PIK3C2G: variants seen among roughly 807,000 people sequenced by gnomAD.
The protein encoded by PIK3C2G is phosphatidylinositol 3-kinase C2 domain-containing subunit gamma.
In PIK3C2G, 168 loss-of-function variants were observed where a neutral mutation model predicts 181.1. That is an observed-to-expected ratio of 0.93 (90% CI 0.82 to 1.05). The LOEUF (loss-of-function observed/expected upper bound fraction) is 1.05, where lower values mean the gene tolerates loss of function less well. PIK3C2G is among the 50% of genes least tolerant of loss of function. The pLI is 0.00. For synonymous variants in PIK3C2G, 573 were observed against 592.2 expected, an observed-to-expected ratio of 0.97 and a Z score of 0.47; for missense variants, 1,869 against 1,732.8, an observed-to-expected ratio of 1.08 and a Z score of -1.40.
At chr12:18,536,233 G>T (rs957675284) in intron 24 of PIK3C2G, among the ~76,000 whole-genome samples, 11 of 152,090 alleles carry the variant, frequency 7.2e-5, no homozygotes, top group Admixed American at 3.9e-4. Flanking sequence ...GATTTTTGAA[G>T]AGACAAGGAA....
chr12:18,490,655 T>C (rs1940475245), intron 19 of PIK3C2G, among the ~76,000 whole-genome samples: 1 of 152,226 alleles, frequency 6.6e-6, no homozygotes, highest in South Asian at 2.1e-4. Flanking sequence ...GTCTGGCTTA[T>C]TTCACATAAC....
the PIK3C2G span, among the ~76,000 whole-genome samples, chr12:18,656,359 C>T: frequency 6.6e-5 from 10 of 152,100 alleles, no homozygotes; most frequent in South Asian, 1.9e-3. Flanking sequence ...GGGTGGATCA[C>T]GAGCTCAGTA....
chr12:18,609,510 C>CA, intron 30 of PIK3C2G, 25 bp from the exon 31 acceptor site: 3 of 1,390,504 alleles, frequency 2.2e-6, no homozygotes, highest in Non-Finnish European at 3.0e-6. Flanking sequence ...CAACTGAACT[C>CA]ACTGAAATTC....
intron 26 of PIK3C2G, among the ~76,000 whole-genome samples, chr12:18,555,404 C>CAGA (rs374729402): frequency 8.5e-5 from 13 of 152,222 alleles, no homozygotes; most frequent in African/African-American, 3.1e-4. Context: ...GAACCTGACA[C>CAGA]AGAAGATCAG....
At chr12:18,723,351 A>G in the PIK3C2G span, 6 of 1,612,608 alleles carry the variant, frequency 3.7e-6, no homozygotes, top group African/African-American at 8.0e-5. Context: ...TCTCAAAAGC[A>G]ATAGCTTTAC....
chr12:18,502,293 T>C (rs996166905), intron 22 of PIK3C2G, among the ~76,000 whole-genome samples: 6 of 152,196 alleles, frequency 3.9e-5, no homozygotes, highest in African/African-American at 9.6e-5. Flanking sequence ...CATAATCTAC[T>C]TTAATGTTGT....
the PIK3C2G span, among the ~76,000 whole-genome samples, chr12:18,671,529 C>T: frequency 6.6e-6 from 1 of 152,070 alleles, no homozygotes; most frequent in Admixed American, 6.6e-5. Flanking sequence ...GGAGGCACCA[C>T]CCATGTGTGG....
intron 16 of PIK3C2G, among the ~76,000 whole-genome samples, chr12:18,406,901 A>G (rs562152910): frequency 6.6e-6 from 1 of 152,132 alleles, no homozygotes; most frequent in South Asian, 2.1e-4. Context: ...ACAAAGATAC[A>G]TATTTTGTCC....
intron 8 of PIK3C2G, among the ~76,000 whole-genome samples, chr12:18,328,332 T>A (rs562735795): frequency 1.2e-3 from 176 of 151,998 alleles, no homozygotes; most frequent in African/African-American, 3.5e-3. Flanking sequence ...GGCAAAATAA[T>A]CTTATTTAAC....
intron 18 of PIK3C2G, among the ~76,000 whole-genome samples, chr12:18,486,317 A>T (rs990240008): frequency 2.0e-5 from 3 of 152,098 alleles, no homozygotes; most frequent in African/African-American, 7.2e-5. Flanking sequence ...GTTTTTTAGG[A>T]TATAGTCACA....
At chr12:18,436,598 A>G (rs1308226326) in intron 18 of PIK3C2G, among the ~76,000 whole-genome samples, 1 of 152,018 alleles carries the variant, frequency 6.6e-6, no homozygotes, top group African/African-American at 2.4e-5. Flanking sequence ...TTCAATACCT[A>G]TTGAATGAAT....
At chr12:18,718,103 T>G in the PIK3C2G span, among the ~76,000 whole-genome samples, 1 of 152,126 alleles carries the variant, frequency 6.6e-6, no homozygotes, top group African/African-American at 2.4e-5. Context: ...CTAGTGTAAG[T>G]GTGTTAAAGT....
the PIK3C2G span, among the ~76,000 whole-genome samples, chr12:18,687,809 G>A: frequency 2.6e-5 from 4 of 151,916 alleles, no homozygotes; most frequent in African/African-American, 4.8e-5. Context: ...TTCTTAATTC[G>A]GTGATATGAG....
Position 18,531,551 on chromosome 12 carries a change from C to A in PIK3C2G, c.3324-6605C>A, listed in dbSNP as rs571149819. 3.3e-5 allele frequency among the ~76,000 whole-genome samples: 5 copies of A among 152,242 alleles called. 1 individual carries two copies. In the South Asian group the frequency reaches 6.2e-4, roughly 19 times the overall value. ...CTCTCACCTTCTTCCCCACTTCATT[C>A]TTATCCCCTGACAACCACTAATCTG... On this transcript the variant is annotated intron_variant, in intron 24 of 32. Coordinates refer to ENST00000538779, the MANE Select transcript of PIK3C2G (RefSeq NM_001288772.2).
chr12:18,358,135 A>G (rs1940913931), intron 11 of PIK3C2G, among the ~76,000 whole-genome samples: 1 of 152,196 alleles, frequency 6.6e-6, no homozygotes, highest in East Asian at 1.9e-4. Context: ...GCTGGATTAT[A>G]TGGTAGTTCT....
In PIK3C2G at chr12:18,410,166, A is replaced by C. The variant is rs1944779280; in HGVS notation, c.2315+10319A>C. On this transcript the variant is annotated intron_variant, in intron 16 of 32. Transcript: ENST00000538779. ...GTAGGTCATAATAGAAACATTCACC[A>C]ACATGGGGCACACTAGCTGACTAGC... is the stretch of plus-strand genomic sequence containing the variant. Among the ~76,000 whole-genome samples the C allele has an allele frequency of 5.3e-5, 8 of 152,134 alleles. No homozygotes were observed. In the South Asian group the frequency reaches 1.7e-3, roughly 31 times the overall value.
intron 18 of PIK3C2G, among the ~76,000 whole-genome samples, chr12:18,430,760 C>G (rs1946109623): frequency 6.6e-6 from 1 of 152,090 alleles, no homozygotes; most frequent in South Asian, 2.1e-4. Flanking sequence ...GAGCAGAAGT[C>G]CAGGACAAAC....
intron 31 of PIK3C2G, among the ~76,000 whole-genome samples, chr12:18,639,911 T>A (rs1281851718): frequency 6.6e-6 from 1 of 152,010 alleles, no homozygotes; most frequent in Non-Finnish European, 1.5e-5. Context: ...CATTTTTAAA[T>A]CTTGTAGGTA....
chr12:18,624,063 G>C (rs1454092991), intron 31 of PIK3C2G, among the ~76,000 whole-genome samples: 9 of 151,494 alleles, frequency 5.9e-5, no homozygotes, highest in Non-Finnish European at 1.2e-4. Context: ...GGATACTCTA[G>C]TGCTATATTG....
Sources: gnomAD v4.1 joint callset for allele counts (sites outside exome capture counted in the v4.1 genomes callset) on GRCh38, gnomAD v4.1.1 for gene constraint, MANE v1.5 for transcripts, NCBI Gene and HGNC (gene_info 2026-07-23, HGNC 2026-07-21) for gene names.